Variants in ANKS1B observed in about 807,000 individuals in gnomAD.
ANKS1B encodes the protein ankyrin repeat and sterile alpha motif domain-containing protein 1B.
A neutral mutation model predicts 148.3 loss-of-function variants in ANKS1B; 36 were observed. The ratio of observed to expected loss-of-function variants is 0.24; its 90% CI spans 0.19 to 0.32. ANKS1B has a LOEUF of 0.32. Among genes scored for constraint, ANKS1B ranks in the 10% least tolerant of loss-of-function variants. The pLI is 1.00. For missense variants in ANKS1B, 1,157 were observed against 1,542.6 expected (o/e 0.75, Z 4.19); for synonymous variants, 542 against 560.8 (o/e 0.97, Z 0.47).
chr12:99,857,790 G>A (rs1236528606), intron 1 of ANKS1B, among the ~76,000 whole-genome samples: 1 of 152,110 alleles, frequency 6.6e-6, no homozygotes, highest in Non-Finnish European at 1.5e-5. Flanking sequence ...TAGGAGAAAA[G>A]ACACCTTATT....
intron 11 of ANKS1B, among the ~76,000 whole-genome samples, chr12:99,425,694 CTTTTA>C (rs1483364717): frequency 6.6e-6 from 1 of 151,502 alleles, no homozygotes; most frequent in Non-Finnish European, 1.5e-5. Context: ...ATCATTTTTC[CTTTTA>C]TTTATTATTA....
intron 7 of ANKS1B, among the ~76,000 whole-genome samples, chr12:99,773,734 T>A (rs2063401924): frequency 6.6e-6 from 1 of 152,102 alleles, no homozygotes; most frequent in Non-Finnish European, 1.5e-5. Flanking sequence ...GATTTTAATA[T>A]TTTTATTCTG....
At chr12:99,503,000 G>A (rs1442592289) in intron 10 of ANKS1B, among the ~76,000 whole-genome samples, 1 of 152,186 alleles carries the variant, frequency 6.6e-6, no homozygotes, top group Non-Finnish European at 1.5e-5. Flanking sequence ...GCAGTGGTGT[G>A]ACCACGGTTT....
intron 8 of ANKS1B, among the ~76,000 whole-genome samples, chr12:99,695,137 T>C (rs2053700167): frequency 6.6e-6 from 1 of 152,136 alleles, no homozygotes; most frequent in Non-Finnish European, 1.5e-5. Context: ...AAAAGTAAGG[T>C]TTACATAAAT....
At chr12:99,123,341 CA>C (rs913902665) in intron 15 of ANKS1B, among the ~76,000 whole-genome samples, 1 of 152,086 alleles carries the variant, frequency 6.6e-6, no homozygotes, top group African/African-American at 2.4e-5. Flanking sequence ...ACGTTTTAAA[CA>C]GAAGGTTAGC....
chr12:99,084,755 C>T (rs767110120), intron 16 of ANKS1B, among the ~76,000 whole-genome samples, 170 bp downstream of exon 16: 1 of 152,014 alleles, frequency 6.6e-6, no homozygotes, highest in South Asian at 2.1e-4. Context: ...CCAAGTGTGG[C>T]CCATAGTAGT....
Position 98,861,306 on chromosome 12 carries a change from C to T in ANKS1B, c.2779-29170G>A, listed in dbSNP as rs548796286. On this transcript the variant is annotated intron_variant, in intron 17 of 26. Transcript: ENST00000683438. ...TATCATTTTTCTAGGGCTGAGGGGG[C>T]GCACTTCTTGGAGTCCAGTTTCTGA... Among the ~76,000 whole-genome samples, 110 of 152,136 alleles carry T rather than the reference C, an allele frequency of 7.2e-4. 1 individual carries two copies. The highest frequency in any genetic ancestry group is 2.4e-3 in the African/African-American group (98 of 41,496).
chr12:99,078,656 T>G (rs559230835), intron 16 of ANKS1B, among the ~76,000 whole-genome samples: 2 of 152,282 alleles, frequency 1.3e-5, no homozygotes, highest in South Asian at 4.1e-4. Context: ...GACGGATTAT[T>G]CCATTTTAAC....
chr12:99,560,869 C>T (rs1371643550), intron 9 of ANKS1B, among the ~76,000 whole-genome samples: 15 of 105,140 alleles, frequency 1.4e-4, no homozygotes, highest in East Asian at 1.0e-3. Context: ...TTTTTTGAGA[C>T]GGAGTCTCAC....
intron 12 of ANKS1B, among the ~76,000 whole-genome samples, chr12:99,289,077 T>C (rs1226215348): frequency 3.3e-5 from 5 of 152,016 alleles, no homozygotes; most frequent in Admixed American, 1.3e-4. Context: ...ATATAAAAGA[T>C]ATTTCATGCA....
At chr12:99,937,925 C>G (rs1334659108) in intron 1 of ANKS1B, among the ~76,000 whole-genome samples, 1 of 152,022 alleles carries the variant, frequency 6.6e-6, no homozygotes, top group Non-Finnish European at 1.5e-5. Context: ...AAAAGAAAAT[C>G]CTGGGAGCAG....
intron 1 of ANKS1B, among the ~76,000 whole-genome samples, chr12:99,983,423 C>A (rs1046843857): frequency 3.3e-4 from 50 of 152,134 alleles, no homozygotes; most frequent in African/African-American, 1.2e-3. Context: ...CGTTAAAAGG[C>A]CTCTACCGTA....
intron 3 of ANKS1B, among the ~76,000 whole-genome samples, chr12:99,809,177 T>C (rs1476971694): frequency 3.9e-5 from 6 of 152,152 alleles, no homozygotes; most frequent in African/African-American, 1.4e-4. Flanking sequence ...CCTTCTTTTT[T>C]ACCAAATGGG....
At position 99,892,035 on chromosome 12, in the gene ANKS1B, G is replaced by A. The variant is rs542898921; in HGVS notation, c.135-66646C>T. Among the ~76,000 whole-genome samples, 72 of 152,108 alleles carry A rather than the reference G, an allele frequency of 4.7e-4. 1 individual carries two copies. Among genetic ancestry groups the A allele is most frequent in the African/African-American group, 1.5e-3 (63 of 41,488 alleles). On this transcript the variant is annotated intron_variant, in intron 1 of 26. Transcript: ENST00000683438. ...GTTTGTTTGTTTGAGATGCAGTCTC[G>A]CTCTGTCACCCAGGCTGGAGTGCAG...
At chr12:99,513,104 C>T (rs1053009034) in intron 9 of ANKS1B, among the ~76,000 whole-genome samples, 2 of 151,706 alleles carry the variant, frequency 1.3e-5, no homozygotes, top group Admixed American at 1.3e-4. Flanking sequence ...GCAACCATTA[C>T]TCTGATCAGT....
rs35515489 is a variant in ANKS1B, at chr12:99,060,653, T to TCACACACA, written c.2626-7352_2626-7345dup. ...ATACACACATATACATATATACACA[T>TCACACACA]CACACACACACACACACACACACAC... On this transcript the variant is annotated intron_variant, in intron 16 of 26. Transcript: ENST00000683438. Among the ~76,000 whole-genome samples the TCACACACA allele has an allele frequency of 7.2e-3, 912 of 126,086 alleles. 9 individuals are homozygous for TCACACACA. The highest frequency in any genetic ancestry group is 0.025 in the East Asian group (106 of 4,268). The allele number at this position is 126,086 out of a possible 152,430, so 82.7% of individuals were successfully genotyped here.
chr12:98,741,661 C>A (rs2097799940), downstream of ANKS1B, among the ~76,000 whole-genome samples: 1 of 152,210 alleles, frequency 6.6e-6, no homozygotes, highest in Non-Finnish European at 1.5e-5. Context: ...CCAGAAACGG[C>A]CCGCTAAAAT....
chr12:99,684,601 A>G (rs1431899657), intron 8 of ANKS1B, among the ~76,000 whole-genome samples: 1 of 152,054 alleles, frequency 6.6e-6, no homozygotes, highest in Non-Finnish European at 1.5e-5. Context: ...TGGAGTCAAA[A>G]AAGAGCCTGC....
intron 17 of ANKS1B, among the ~76,000 whole-genome samples, chr12:99,011,886 G>T (rs1363370194): frequency 2.6e-5 from 4 of 152,200 alleles, no homozygotes; most frequent in Non-Finnish European, 4.4e-5. Context: ...CTTTACATTT[G>T]CTTGTGGAAG....
Sources: allele counts gnomAD v4.1 joint callset (sites outside exome capture counted in the v4.1 genomes callset), GRCh38; gene constraint gnomAD v4.1.1; transcripts MANE v1.5; gene names NCBI Gene and HGNC (gene_info 2026-07-23, HGNC 2026-07-21).